MECOM: variants seen among roughly 807,000 people sequenced by gnomAD.
The protein encoded by MECOM is MDS1 and EVI1 complex locus, also known as histone-lysine N-methyltransferase MECOM.
In MECOM, 13 loss-of-function variants were observed where a neutral mutation model predicts 116.3. The ratio of observed to expected loss-of-function variants is 0.11; its 90% CI spans 0.07 to 0.18. MECOM has a LOEUF of 0.18. Among genes scored for constraint, MECOM ranks in the 10% least tolerant of loss-of-function variants. The pLI is 1.00. For synonymous variants in MECOM, 528 were observed against 535.2 expected (o/e 0.99, Z 0.19); for missense variants, 1,299 against 1,509.0 (o/e 0.86, Z 2.31).
intron 1 of MECOM, among the ~76,000 whole-genome samples, chr3:169,534,121 C>A (rs1759022176): frequency 6.6e-6 from 1 of 152,178 alleles, no homozygotes; most frequent in Non-Finnish European, 1.5e-5. Flanking sequence ...CCAGCAGATG[C>A]ACTATGAATT....
intron 2 of MECOM, among the ~76,000 whole-genome samples, chr3:169,312,113 T>A (rs1718893371): frequency 1.3e-5 from 2 of 152,206 alleles, no homozygotes; most frequent in South Asian, 4.1e-4. Flanking sequence ...TGGAACTAAC[T>A]TATGTTTTTA....
intron 2 of MECOM, among the ~76,000 whole-genome samples, chr3:169,339,615 G>A (rs933730384): frequency 1.3e-5 from 2 of 152,076 alleles, no homozygotes; most frequent in South Asian, 2.1e-4. Context: ...GAACTACTGC[G>A]ACAGAAACTG....
At chr3:169,384,549 T>G (rs1164333617) in intron 1 of MECOM, among the ~76,000 whole-genome samples, 7 of 152,194 alleles carry the variant, frequency 4.6e-5, no homozygotes, top group Non-Finnish European at 1.0e-4. Context: ...ATTCAACTAC[T>G]GCAAATGCAA....
intron 2 of MECOM, among the ~76,000 whole-genome samples, chr3:169,262,752 G>A (rs1757716389): frequency 6.6e-6 from 1 of 152,096 alleles, no homozygotes; most frequent in Admixed American, 6.5e-5. Context: ...ATTGTGTGAA[G>A]CCATGAGATT....
chr3:169,642,522 A>C lies in MECOM; in HGVS notation c.37+20814T>G, dbSNP rs140310119. On this transcript the variant is annotated intron_variant, in intron 1 of 16. Coordinates refer to ENST00000651503, the MANE Select transcript of MECOM (RefSeq NM_004991.4). Reference sequence around the variant, plus strand: ...AGGTTCTTAAGCCAACTAACAACAAAAAAAAAAAGTGAAAAGGAAAGAATC... The same window carrying C: ...AGGTTCTTAAGCCAACTAACAACAACAAAAAAAAGTGAAAAGGAAAGAATC... Among the ~76,000 whole-genome samples, 590 of 151,772 alleles carry C rather than the reference A, an allele frequency of 3.9e-3. 2 individuals are homozygous for C. The highest frequency in any genetic ancestry group is 0.013 in the African/African-American group (519 of 41,442).
intron 2 of MECOM, among the ~76,000 whole-genome samples, chr3:169,244,815 T>C (rs1755380569): frequency 6.6e-6 from 1 of 152,096 alleles, no homozygotes; most frequent in Non-Finnish European, 1.5e-5. Context: ...TTCAGAGAGA[T>C]CAACAAGTAA....
chr3:169,264,401 G>C (rs1758008472), intron 2 of MECOM, among the ~76,000 whole-genome samples: 1 of 152,012 alleles, frequency 6.6e-6, no homozygotes, highest in Admixed American at 6.6e-5. Context: ...ACATGTCTTT[G>C]TTTTTATTGT....
rs5854320 is a variant in MECOM, at chr3:169,232,439, G to GA, written c.376-88608dup. ...TAGCTGAAAGGTTAATCTTAAAAAA[G>GA]AAAAAAAAAAGGCAGGGAAGGGAGA... On this transcript the variant is annotated intron_variant, in intron 2 of 16. Transcript: ENST00000651503. 4.2e-4 allele frequency among the ~76,000 whole-genome samples: 64 copies of GA among 150,858 alleles called. 1 individual carries two copies. The highest frequency in any genetic ancestry group is 2.0e-3 in the East Asian group (10 of 5,082).
rs1387630577 is a variant in MECOM, at chr3:169,656,725, GT to G, written c.37+6610del. 2.6e-5 allele frequency among the ~76,000 whole-genome samples: 4 copies of G among 151,986 alleles called. No homozygotes were observed. In the East Asian group the frequency reaches 7.7e-4, roughly 29 times the overall value. On this transcript the variant is annotated intron_variant, in intron 1 of 16. Coordinates refer to ENST00000651503, the MANE Select transcript of MECOM (RefSeq NM_004991.4). ...CCCACTAAATGTTATGGGCTTTACC[GT>G]GTGCCCTTTCAAATCCCATTCTTTC...
intron 1 of MECOM, among the ~76,000 whole-genome samples, chr3:169,436,697 G>C (rs1249354150): frequency 3.3e-5 from 5 of 152,056 alleles, no homozygotes; most frequent in African/African-American, 1.2e-4. Flanking sequence ...GCCTAATACA[G>C]TAACTAACAC....
chr3:169,116,876 C>T (rs1729327927), intron 7 of MECOM, 137 bp from the exon 8 acceptor site: 2 of 1,102,540 alleles, frequency 1.8e-6, no homozygotes, highest in East Asian at 5.3e-5. Flanking sequence ...CTGGGTGCTC[C>T]AAACACAGAA....
At chr3:169,113,247 A>G (rs1435002455) in intron 8 of MECOM, among the ~76,000 whole-genome samples, 2 of 152,082 alleles carry the variant, frequency 1.3e-5, no homozygotes, top group African/African-American at 4.8e-5. Flanking sequence ...GATTTTGAAT[A>G]TTAGAGCAAT....
chr3:169,491,262 T>C (rs2108919424), intron 1 of MECOM, among the ~76,000 whole-genome samples: 1 of 152,192 alleles, frequency 6.6e-6, no homozygotes, highest in South Asian at 2.1e-4. Flanking sequence ...CTAAAGTCAC[T>C]CCAGAGACGA....
At chr3:169,112,723 C>T in intron 9 of MECOM, 64 bp downstream of exon 9, 1 of 1,225,902 alleles carries the variant, frequency 8.2e-7, no homozygotes, top group Non-Finnish European at 1.2e-6. Flanking sequence ...CATTTCATTG[C>T]ACCTGCTTTT....
chr3:169,231,096 G>C (rs1044409975), intron 2 of MECOM, among the ~76,000 whole-genome samples: 3 of 151,742 alleles, frequency 2.0e-5, no homozygotes, highest in Non-Finnish European at 4.4e-5. Flanking sequence ...GACAATTCTG[G>C]ATGTTATTGC....
intron 8 of MECOM, 130 bp from the exon 9 acceptor site, chr3:169,113,004 T>G (rs553675381): frequency 3.2e-6 from 2 of 630,164 alleles, no homozygotes; most frequent in Non-Finnish European, 5.5e-6. Flanking sequence ...CATAAAACTA[T>G]AGAGACATCT....
At chr3:169,207,462 A>G (rs1750088450) in intron 2 of MECOM, among the ~76,000 whole-genome samples, 1 of 152,330 alleles carries the variant, frequency 6.6e-6, no homozygotes, top group Middle Eastern at 3.4e-3. Flanking sequence ...TTTTAATAAT[A>G]TAGATATAAG....
chr3:169,180,793 TGATA>T (rs753346142), intron 2 of MECOM, among the ~76,000 whole-genome samples: 1 of 71,182 alleles, frequency 1.4e-5, no homozygotes, highest in East Asian at 5.6e-4. Context: ...TGTGTGGAGA[TGATA>T]TATATATATA....
At chr3:169,569,045 G>T (rs1426341027) in intron 1 of MECOM, among the ~76,000 whole-genome samples, 2 of 152,020 alleles carry the variant, frequency 1.3e-5, no homozygotes, top group East Asian at 1.9e-4. Context: ...ACACAGACTG[G>T]CAAATTGGGT....
Sources: gnomAD v4.1 joint callset for allele counts (sites outside exome capture counted in the v4.1 genomes callset) on GRCh38, gnomAD v4.1.1 for gene constraint, MANE v1.5 for transcripts, NCBI Gene and HGNC (gene_info 2026-07-23, HGNC 2026-07-21) for gene names.